The following XKR9 variants were observed in gnomAD, a reference collection of about 807,000 sequenced individuals.
The protein encoded by XKR9 is XK-related protein 9.
In XKR9, 32 loss-of-function variants were observed where a neutral mutation model predicts 32.0. The observed-to-expected ratio is 1.00, with a 90% CI of 0.76 to 1.34. XKR9 has a LOEUF of 1.34. Among genes scored for constraint, XKR9 ranks in the 40% most tolerant of loss-of-function variants. XKR9 has a pLI of 0.00. For synonymous variants in XKR9, 168 were observed against 143.4 expected (o/e 1.17, Z -1.22); for missense variants, 546 against 429.7 (o/e 1.27, Z -2.39).
the XKR9 span, among the ~76,000 whole-genome samples, chr8:70,884,152 T>C: frequency 6.6e-6 from 1 of 152,196 alleles, no homozygotes; most frequent in African/African-American, 2.4e-5. Flanking sequence ...TGGAATGTGT[T>C]CTCATATGCT....
At chr8:70,727,772 C>A (rs1160804489) in intron 4 of XKR9, among the ~76,000 whole-genome samples, 2 of 151,876 alleles carry the variant, frequency 1.3e-5, no homozygotes, top group African/African-American at 4.8e-5. Context: ...TTGGTCAGGT[C>A]AGTGATGAAA....
the XKR9 span, among the ~76,000 whole-genome samples, chr8:71,047,492 T>C: frequency 6.6e-6 from 1 of 152,218 alleles, no homozygotes; most frequent in East Asian, 1.9e-4. Flanking sequence ...TTTATTTGGT[T>C]TCCAAAGTGA....
chr8:70,818,475 A>T, the XKR9 span, among the ~76,000 whole-genome samples: 1 of 152,128 alleles, frequency 6.6e-6, no homozygotes, highest in Admixed American at 6.6e-5. Context: ...ACTTTTATTT[A>T]TTATAATATA....
intron 2 of XKR9, among the ~76,000 whole-genome samples, chr8:70,758,854 T>TACC (rs1807266472): frequency 6.6e-6 from 1 of 152,206 alleles, no homozygotes; most frequent in Non-Finnish European, 1.5e-5. Flanking sequence ...AAGCTCTCCT[T>TACC]ATATGGCCTT....
the XKR9 span, among the ~76,000 whole-genome samples, chr8:71,034,058 C>T: frequency 6.6e-6 from 1 of 152,180 alleles, no homozygotes; most frequent in African/African-American, 2.4e-5. Context: ...CTTATGACTG[C>T]TTTGACCCAT....
chr8:70,758,775 A>T (rs998203553), intron 2 of XKR9, among the ~76,000 whole-genome samples: 1 of 152,154 alleles, frequency 6.6e-6, no homozygotes, highest in African/African-American at 2.4e-5. Flanking sequence ...TTAAATTGTC[A>T]CTCAGTGTTT....
chr8:71,051,119 TA>T, the XKR9 span, among the ~76,000 whole-genome samples: 1 of 152,110 alleles, frequency 6.6e-6, no homozygotes, highest in Non-Finnish European at 1.5e-5. Context: ...TCTTAAATCT[TA>T]AAGGTCAACA....
At chr8:70,976,175 A>G in the XKR9 span, among the ~76,000 whole-genome samples, 1 of 152,224 alleles carries the variant, frequency 6.6e-6, no homozygotes, top group Non-Finnish European at 1.5e-5. Flanking sequence ...ATATACAATC[A>G]TGTCATCTGC....
the XKR9 span, among the ~76,000 whole-genome samples, chr8:70,849,786 T>A: frequency 2.0e-5 from 3 of 152,066 alleles, no homozygotes; most frequent in African/African-American, 7.2e-5. Flanking sequence ...ATAATGGGGA[T>A]ATCACCACTA....
At chr8:70,712,168 A>G (rs1163706623) in intron 4 of XKR9, among the ~76,000 whole-genome samples, 1 of 152,188 alleles carries the variant, frequency 6.6e-6, no homozygotes, top group Non-Finnish European at 1.5e-5. Flanking sequence ...GATTAGAAAT[A>G]TCAATAAATG....
intron 2 of XKR9, among the ~76,000 whole-genome samples, chr8:70,742,231 C>G (rs1192204124): frequency 6.6e-6 from 1 of 152,154 alleles, no homozygotes; most frequent in Non-Finnish European, 1.5e-5. Flanking sequence ...TAATATGTCC[C>G]TTATGCTACT....
chr8:70,932,229 G>A, the XKR9 span, among the ~76,000 whole-genome samples: 12 of 151,862 alleles, frequency 7.9e-5, no homozygotes, highest in Non-Finnish European at 1.6e-4. Context: ...AGTATAATAT[G>A]AATAATGACT....
the XKR9 span, among the ~76,000 whole-genome samples, chr8:71,034,924 CT>C: frequency 6.6e-6 from 1 of 152,086 alleles, no homozygotes; most frequent in Non-Finnish European, 1.5e-5. Flanking sequence ...TCATTTCTGC[CT>C]TTTTTACTGC....
chr8:70,863,923 T>C, the XKR9 span, among the ~76,000 whole-genome samples: 1 of 152,230 alleles, frequency 6.6e-6, no homozygotes, highest in Admixed American at 6.5e-5. Flanking sequence ...TTCCACATAA[T>C]GATGCCTTTT....
chr8:71,025,819 CT>C, the XKR9 span, among the ~76,000 whole-genome samples: 1 of 152,192 alleles, frequency 6.6e-6, no homozygotes, highest in Non-Finnish European at 1.5e-5. Flanking sequence ...GAAGCTAACT[CT>C]AATGATCTTT....
chr8:71,064,796 A>G, the XKR9 span, among the ~76,000 whole-genome samples: 1 of 152,308 alleles, frequency 6.6e-6, no homozygotes, highest in East Asian at 1.9e-4. Context: ...TTAGATAGCC[A>G]AGGGAAAGAA....
At chr8:70,998,933 C>T in the XKR9 span, among the ~76,000 whole-genome samples, 3 of 152,156 alleles carry the variant, frequency 2.0e-5, no homozygotes, top group East Asian at 5.8e-4. Flanking sequence ...AATCCTCCAT[C>T]TGGCCCCCTG....
At chr8:70,962,599 G>C in the XKR9 span, among the ~76,000 whole-genome samples, 2 of 152,044 alleles carry the variant, frequency 1.3e-5, no homozygotes, top group South Asian at 4.1e-4. Context: ...TTCTTTATCC[G>C]ATCCACCACT....
At chr8:70,844,546 T>TC in the XKR9 span, among the ~76,000 whole-genome samples, 1 of 152,318 alleles carries the variant, frequency 6.6e-6, no homozygotes, top group Non-Finnish European at 1.5e-5. Flanking sequence ...GAGCCTGGCA[T>TC]CACCTTGCCC....
Sources: gnomAD v4.1 joint callset for allele counts (sites outside exome capture counted in the v4.1 genomes callset) on GRCh38, gnomAD v4.1.1 for gene constraint, MANE v1.5 for transcripts, NCBI Gene and HGNC (gene_info 2026-07-23, HGNC 2026-07-21) for gene names.